The following HACE1 variants were observed in gnomAD, a reference collection of about 807,000 sequenced individuals.
The protein encoded by HACE1 is HECT domain and ankyrin repeat containing E3 ubiquitin protein ligase 1.
HACE1 carries 73 observed loss-of-function variants against 118.4 expected under a neutral mutation model. The ratio of observed to expected loss-of-function variants is 0.62; its 90% CI spans 0.51 to 0.75. The LOEUF (loss-of-function observed/expected upper bound fraction) is 0.75. HACE1 is among the 30% of genes least tolerant of loss of function. The pLI, the probability that HACE1 is intolerant of heterozygous loss-of-function variation, is 0.00. For synonymous variants in HACE1, 368 were observed against 374.8 expected, an observed-to-expected ratio of 0.98 and a Z score of 0.21; for missense variants, 749 against 1,102.2, an observed-to-expected ratio of 0.68 and a Z score of 4.54.
At chr6:104,789,576 G>A (rs560847368) in intron 11 of HACE1, among the ~76,000 whole-genome samples, 15 of 152,140 alleles carry the variant, frequency 9.9e-5, no homozygotes, top group African/African-American at 3.4e-4. Context: ...GACTGTGTAG[G>A]TAGAAAACTA....
chr6:104,817,636 C>A (rs1057060525), intron 6 of HACE1, among the ~76,000 whole-genome samples: 1 of 152,140 alleles, frequency 6.6e-6, no homozygotes, highest in Non-Finnish European at 1.5e-5. Flanking sequence ...TCCAATGAAT[C>A]TGTCTTTGTA....
At chr6:104,762,306 C>T (rs1024751135) in intron 19 of HACE1, among the ~76,000 whole-genome samples, 33 of 152,168 alleles carry the variant, frequency 2.2e-4, no homozygotes, top group African/African-American at 8.0e-4. Flanking sequence ...ACCCAAATGT[C>T]CATCAATGAT....
chr6:104,730,856 A>G (rs1775126939), intron 22 of HACE1: 1 of 161,212 alleles, frequency 6.2e-6, no homozygotes, highest in Admixed American at 6.0e-5. Context: ...AATTCAAGCA[A>G]TAAATGCTCT....
chr6:104,836,438 C>T (rs756630910), intron 5 of HACE1, among the ~76,000 whole-genome samples: 3 of 152,118 alleles, frequency 2.0e-5, no homozygotes, highest in Admixed American at 6.6e-5. Flanking sequence ...AAAGGCCTGG[C>T]GCGGTGGCTC....
At position 104,812,229 on chromosome 6, in the gene HACE1, G is replaced by A. The variant is rs1350120; in HGVS notation, c.535-836C>T. On this transcript the variant is annotated intron_variant, in intron 6 of 23. Transcript: ENST00000262903. Reference sequence around the variant, plus strand: ...AACATGAGGCAATAGGTGGCTTGAGGCCAGTAGTTTGAGACCAGTTTAGTC... The same window carrying A: ...AACATGAGGCAATAGGTGGCTTGAGACCAGTAGTTTGAGACCAGTTTAGTC... Among the ~76,000 whole-genome samples, 1,040 of 152,166 alleles carry A rather than the reference G, an allele frequency of 6.8e-3. 9 individuals are homozygous for A. The highest frequency in any genetic ancestry group is 0.024 in the African/African-American group (999 of 41,494).
chr6:104,857,160 CAT>C (rs1001101718), intron 1 of HACE1, among the ~76,000 whole-genome samples: 42 of 147,256 alleles, frequency 2.9e-4, no homozygotes, highest in Middle Eastern at 3.6e-3. Flanking sequence ...TATATATTTA[CAT>C]ATATATATTT....
chr6:104,778,586 G>A (rs2114756574), intron 14 of HACE1, among the ~76,000 whole-genome samples: 1 of 152,034 alleles, frequency 6.6e-6, no homozygotes, highest in Middle Eastern at 3.4e-3. Context: ...CTTGAGCCCA[G>A]GAGTTTGAGA....
chr6:104,818,676 C>G (rs1347825487), intron 6 of HACE1, among the ~76,000 whole-genome samples: 3 of 151,992 alleles, frequency 2.0e-5, no homozygotes, highest in African/African-American at 2.4e-5. Flanking sequence ...TCAAAAAGCT[C>G]ATACACCATA....
chr6:104,812,937 G>A (rs2114980418), intron 6 of HACE1, among the ~76,000 whole-genome samples: 1 of 152,112 alleles, frequency 6.6e-6, no homozygotes, highest in East Asian at 1.9e-4. Context: ...TCAGAAGATG[G>A]GAAGTTTATT....
intron 22 of HACE1, among the ~76,000 whole-genome samples, chr6:104,743,274 G>A (rs540488068): frequency 5.2e-4 from 78 of 151,130 alleles, no homozygotes; most frequent in Non-Finnish European, 8.4e-4. Context: ...TAACTAACCT[G>A]CACAATGTGC....
chr6:104,771,049 TG>T, intron 19 of HACE1, 143 bp downstream of exon 19: 1 of 638,150 alleles, frequency 1.6e-6, no homozygotes, highest in East Asian at 2.7e-5. Flanking sequence ...AACATTTGAT[TG>T]TTTTATTAAC....
At position 104,859,633 on chromosome 6, in the gene HACE1, C is replaced by T. The variant is rs1284125387; in HGVS notation, c.10G>A (p.Ala4Thr). The stretch of plus-strand genomic sequence containing the variant: ...GTCAGGCGGTTGAGTTGCTCCATCG[C>T]TCTCTCCATCCTCGGCGCGCCCTCC... MERAMEQLNRLTRS... is the reference protein window; with the variant it reads MERTMEQLNRLTRS... The change falls in exon 1 of 24, where the codon GCG becomes ACG. Residue 4 changes from alanine (A) to threonine (T), a missense_variant. This residue lies in a region of HACE1 where 120 missense variants were observed against 219.1 expected (regional missense o/e 0.55). Coordinates refer to ENST00000262903, the MANE Select transcript of HACE1 (RefSeq NM_020771.4). The T allele has an allele frequency of 6.5e-7, 1 of 1,533,544 alleles. No homozygotes were observed. Among genetic ancestry groups the T allele is most frequent in the Non-Finnish European group, 8.7e-7 (1 of 1,143,346 alleles). The allele number at this position is 1,533,544 out of a possible 1,614,324, so 95.0% of individuals were successfully genotyped here.
intron 6 of HACE1, among the ~76,000 whole-genome samples, chr6:104,828,159 A>G (rs990479848): frequency 2.6e-5 from 4 of 152,066 alleles, no homozygotes; most frequent in African/African-American, 9.7e-5. Context: ...TTATGGTCCA[A>G]AAAGCGTTAA....
chr6:104,844,662 C>CTTT (rs775303598), intron 4 of HACE1, among the ~76,000 whole-genome samples: 2 of 136,676 alleles, frequency 1.5e-5, no homozygotes, highest in Admixed American at 7.3e-5. Context: ...CCATCACAAC[C>CTTT]TTTTTTTTTT....
chr6:104,729,308 G>A lies in HACE1; in HGVS notation c.*354C>T, dbSNP rs1487035439. On this transcript the variant is annotated 3_prime_UTR_variant, in exon 24 of 24. Coordinates refer to ENST00000262903, the MANE Select transcript of HACE1 (RefSeq NM_020771.4). ...TCATATAATATATCAGAAATTAGGA[G>A]AAAACACCCTTTTAACAAGACAGTT... 8.2e-6 allele frequency: 2 copies of A among 242,536 alleles called. No homozygotes were observed. The highest frequency in any genetic ancestry group is 4.6e-5 in the African/African-American group (2 of 43,094). The allele number at this position is 242,536 out of a possible 1,614,324, so 15.0% of individuals were successfully genotyped here. A position where few individuals can be genotyped will look rare whatever the true frequency, so the allele number is the denominator to read the frequency against.
intron 19 of HACE1, among the ~76,000 whole-genome samples, chr6:104,768,253 A>G (rs570280716): frequency 2.0e-5 from 3 of 152,294 alleles, no homozygotes; most frequent in African/African-American, 7.2e-5. Flanking sequence ...AAGTCATTTA[A>G]GTTTCAATAG....
intron 7 of HACE1, among the ~76,000 whole-genome samples, chr6:104,797,386 CCTT>C (rs2114879125): frequency 6.6e-6 from 1 of 151,604 alleles, no homozygotes; most frequent in Admixed American, 6.6e-5. Context: ...TTTAGCCTGA[CCTT>C]CTTCCTACCA....
intron 19 of HACE1, among the ~76,000 whole-genome samples, chr6:104,750,861 CAG>C (rs1334845070): frequency 6.6e-6 from 1 of 152,118 alleles, no homozygotes; most frequent in Non-Finnish European, 1.5e-5. Flanking sequence ...ACATCTTAGC[CAG>C]AGTGATTTAA....
At chr6:104,739,904 C>A (rs1776430330) in intron 22 of HACE1, among the ~76,000 whole-genome samples, 1 of 151,888 alleles carries the variant, frequency 6.6e-6, no homozygotes, top group African/African-American at 2.4e-5. Flanking sequence ...CAAAATTGAC[C>A]ACATACTTGG....
Sources: allele counts gnomAD v4.1 joint callset (sites outside exome capture counted in the v4.1 genomes callset), GRCh38; gene constraint gnomAD v4.1.1; regional missense constraint gnomAD v4.1.1; transcripts MANE v1.5; gene names NCBI Gene and HGNC (gene_info 2026-07-23, HGNC 2026-07-21).